NEBL: variants seen among roughly 807,000 people sequenced by gnomAD.
NEBL encodes the protein nebulette.
In NEBL, 122 loss-of-function variants were observed where a neutral mutation model predicts 140.2. The ratio of observed to expected loss-of-function variants is 0.87; its 90% CI spans 0.75 to 1.01. The LOEUF is 1.01. Ranked by LOEUF, NEBL falls within the 50% of genes least tolerant of loss-of-function variation. NEBL has a pLI of 0.00. For missense variants in NEBL, 1,365 were observed against 1,231.3 expected (o/e 1.11, Z -1.62); for synonymous variants, 436 against 398.9 (o/e 1.09, Z -1.11).
chr10:21,126,164 A>AC (rs763433007), intron 2 of NEBL: 4 of 1,579,346 alleles, frequency 2.5e-6, no homozygotes, highest in South Asian at 2.2e-5. Context: ...CAAGCCTGGT[A>AC]CCCCCCATAG....
At chr10:20,796,367 G>GAAAAAAA (rs57844177) in intron 26 of NEBL, among the ~76,000 whole-genome samples, 6 of 51,516 alleles carry the variant, frequency 1.2e-4, no homozygotes, top group Non-Finnish European at 1.5e-4. Flanking sequence ...TCTAAAACAA[G>GAAAAAAA]AAAAAAAAAA....
chr10:21,147,170 C>T (rs1180183518), intron 2 of NEBL, among the ~76,000 whole-genome samples: 1 of 152,138 alleles, frequency 6.6e-6, no homozygotes, highest in Admixed American at 6.5e-5. Context: ...TACATCCACG[C>T]ACATCTTCCC....
intron 2 of NEBL, chr10:21,248,053 G>A (rs1474793728): frequency 4.3e-6 from 1 of 230,312 alleles, no homozygotes; most frequent in Non-Finnish European, 9.9e-6. Flanking sequence ...CTGGATTCAA[G>A]TCTGGACGGC....
chr10:21,170,062 T>A (rs899616152), intron 2 of NEBL, among the ~76,000 whole-genome samples: 1 of 152,214 alleles, frequency 6.6e-6, no homozygotes, highest in Non-Finnish European at 1.5e-5. Context: ...ATAAACTTTT[T>A]AAATCAGATT....
chr10:20,790,650 T>C (rs780038403), intron 26 of NEBL, among the ~76,000 whole-genome samples: 5 of 150,134 alleles, frequency 3.3e-5, no homozygotes, highest in Non-Finnish European at 5.9e-5. Flanking sequence ...ACAAACATAA[T>C]TGAAAGCCTA....
Position 20,831,560 on chromosome 10 carries a change from C to A in NEBL, c.1473G>T (p.Glu491Asp), listed in dbSNP as rs957738000. ...ASEKDYKRDL[E>D]TEIKGKGMQV... is the part of the protein sequence containing the mutation. ...GCATCCCTTTCCCTTTAATTTCAGT[C>A]TCCAGATCTCTTTTATAGTCTTTCT... is the stretch of plus-strand genomic sequence containing the variant. The change falls in exon 15 of 28, where the codon GAG becomes GAT. Residue 491 changes from glutamate (E) to aspartate (D), a missense_variant. Coordinates refer to ENST00000377122, the MANE Select transcript of NEBL (RefSeq NM_006393.3). The A allele has an allele frequency of 1.2e-6, 2 of 1,608,998 alleles. No homozygotes were observed. The highest frequency in any genetic ancestry group is 1.7e-5 in the Admixed American group (1 of 59,826).
At chr10:21,178,124 C>T (rs1326775440), upstream of NEBL, among the ~76,000 whole-genome samples, 1 of 152,118 alleles carries the variant, frequency 6.6e-6, no homozygotes, top group Non-Finnish European at 1.5e-5. Context: ...AGCATTTCTC[C>T]AAAGATCTTA....
At chr10:20,999,197 C>T (rs1244542485) in intron 3 of NEBL, among the ~76,000 whole-genome samples, 10 of 150,394 alleles carry the variant, frequency 6.6e-5, no homozygotes, top group South Asian at 2.1e-4. Context: ...GGAAGAAAGG[C>T]GTACTCTCTG....
At chr10:21,217,068 G>T (rs1427130137) in intron 3 of NEBL, among the ~76,000 whole-genome samples, 1 of 152,174 alleles carries the variant, frequency 6.6e-6, no homozygotes, top group Non-Finnish European at 1.5e-5. Context: ...AAGGGGCTCT[G>T]CACTGAGGGG....
At chr10:21,004,928 A>G (rs1467942611) in intron 3 of NEBL, among the ~76,000 whole-genome samples, 1 of 152,218 alleles carries the variant, frequency 6.6e-6, no homozygotes, top group East Asian at 1.9e-4. Context: ...CCCTTTCAGT[A>G]TTAACCTCTC....
chr10:21,035,923 G>C (rs1833998104), intron 2 of NEBL, among the ~76,000 whole-genome samples: 1 of 152,194 alleles, frequency 6.6e-6, no homozygotes, highest in Admixed American at 6.5e-5. Flanking sequence ...AGCACTTTGG[G>C]AGGCTGAGGT....
chr10:20,999,817 C>T (rs1589123710), intron 3 of NEBL, among the ~76,000 whole-genome samples: 2 of 152,026 alleles, frequency 1.3e-5, no homozygotes, highest in Non-Finnish European at 2.9e-5. Flanking sequence ...TAAACATGAA[C>T]GCTGCTCCTT....
At chr10:20,916,611 T>A (rs1054569457) in intron 4 of NEBL, among the ~76,000 whole-genome samples, 1 of 152,194 alleles carries the variant, frequency 6.6e-6, no homozygotes, top group African/African-American at 2.4e-5. Flanking sequence ...GGTTTCACCA[T>A]GTTGGCCAGG....
At chr10:21,174,094 C>A in exon 1 of NEBL, 1 of 976,902 alleles carries the variant, frequency 1.0e-6, no homozygotes, top group South Asian at 4.8e-5. Flanking sequence ...GGCTCTGCGT[C>A]GCTCGCACTC....
At chr10:21,214,829 C>T (rs1740767295) in intron 3 of NEBL, among the ~76,000 whole-genome samples, 1 of 152,124 alleles carries the variant, frequency 6.6e-6, no homozygotes, top group Non-Finnish European at 1.5e-5. Flanking sequence ...GGCTACACTC[C>T]TAATATTAGT....
At chr10:20,997,376 A>AG (rs1456052365) in intron 3 of NEBL, among the ~76,000 whole-genome samples, 2 of 149,036 alleles carry the variant, frequency 1.3e-5, no homozygotes, top group Admixed American at 6.7e-5. Flanking sequence ...GGCACTGCCA[A>AG]GGGGGGCAAG....
chr10:21,202,938 G>T (rs1841765335), intron 3 of NEBL, among the ~76,000 whole-genome samples: 1 of 152,176 alleles, frequency 6.6e-6, no homozygotes, highest in Non-Finnish European at 1.5e-5. Flanking sequence ...AAGAATTTCT[G>T]CTCAGACCAC....
intron 2 of NEBL, among the ~76,000 whole-genome samples, chr10:21,060,731 A>G (rs1227681150): frequency 1.3e-5 from 2 of 151,656 alleles, no homozygotes; most frequent in Non-Finnish European, 2.9e-5. Flanking sequence ...TCTCTCTTCC[A>G]TTTCAATCTA....
At chr10:20,955,333 A>T (rs2131604636) in intron 4 of NEBL, among the ~76,000 whole-genome samples, 1 of 152,370 alleles carries the variant, frequency 6.6e-6, no homozygotes, top group African/African-American at 2.4e-5. Flanking sequence ...AGTGGTACAA[A>T]TGATAGTGTT....
Sources: allele counts gnomAD v4.1 joint callset (sites outside exome capture counted in the v4.1 genomes callset), GRCh38; gene constraint gnomAD v4.1.1; transcripts MANE v1.5; gene names NCBI Gene and HGNC (gene_info 2026-07-23, HGNC 2026-07-21).